Variants in OTUD7B observed in about 807,000 individuals in gnomAD.
The protein encoded by OTUD7B is OTU deubiquitinase 7B.
Under a neutral mutation model 82.2 loss-of-function variants are expected in OTUD7B, and 34 were observed. The observed-to-expected ratio is 0.41, with a 90% CI of 0.31 to 0.55. The LOEUF (loss-of-function observed/expected upper bound fraction) is 0.55, where lower values mean the gene tolerates loss of function less well. OTUD7B is among the 20% of genes least tolerant of loss of function. The probability of loss-of-function intolerance (pLI) is 0.20; values close to 1 mark genes in which losing one functional copy is unlikely to be tolerated. For synonymous variants in OTUD7B, 398 were observed against 402.7 expected, an observed-to-expected ratio of 0.99 and a Z score of 0.14; for missense variants, 944 against 1,062.1, an observed-to-expected ratio of 0.89 and a Z score of 1.55.
intron 1 of OTUD7B, among the ~76,000 whole-genome samples, chr1:149,993,065 C>T (rs942646410): frequency 2.6e-5 from 4 of 152,070 alleles, no homozygotes; most frequent in African/African-American, 7.2e-5. Flanking sequence ...GCAGGAGCAT[C>T]GCTTGAACTA....
chr1:149,987,213 C>G (rs1651213624), intron 1 of OTUD7B, among the ~76,000 whole-genome samples: 2 of 152,178 alleles, frequency 1.3e-5, no homozygotes, highest in Admixed American at 1.3e-4. Context: ...TTTTATCAAC[C>G]CAGCCCAGCT....
At chr1:150,057,511 G>A in the OTUD7B span, among the ~76,000 whole-genome samples, 1 of 152,166 alleles carries the variant, frequency 6.6e-6, no homozygotes, top group South Asian at 2.1e-4. Flanking sequence ...ACTGGCAGAG[G>A]AGCTAAGAAT....
chr1:149,974,684 G>A (rs1318194344), intron 2 of OTUD7B, among the ~76,000 whole-genome samples: 1 of 150,876 alleles, frequency 6.6e-6, no homozygotes, highest in Non-Finnish European at 1.5e-5. Flanking sequence ...CAAGCAGCTG[G>A]AACTACAGGC....
the OTUD7B span, among the ~76,000 whole-genome samples, chr1:150,032,465 G>GACAAAAA: frequency 1.2e-5 from 1 of 85,766 alleles, no homozygotes; most frequent in African/African-American, 5.9e-5. Flanking sequence ...CCTGTCTACA[G>GACAAAAA]AAAAAAAAAA....
chr1:149,987,090 AC>A (rs1293221855), intron 1 of OTUD7B, among the ~76,000 whole-genome samples: 2 of 152,198 alleles, frequency 1.3e-5, no homozygotes, highest in African/African-American at 2.4e-5. Flanking sequence ...AAACTTCCAA[AC>A]AACTCTGAGA....
At chr1:149,983,195 A>T (rs1650905248) in intron 1 of OTUD7B, among the ~76,000 whole-genome samples, 1 of 152,102 alleles carries the variant, frequency 6.6e-6, no homozygotes, top group African/African-American at 2.4e-5. Flanking sequence ...TAAGACATCC[A>T]GTCTCTTAAC....
chr1:150,064,742 T>C, the OTUD7B span, among the ~76,000 whole-genome samples: 7 of 152,206 alleles, frequency 4.6e-5, no homozygotes, highest in African/African-American at 7.2e-5. Context: ...TTCAGTTTCA[T>C]TGAATTTCAT....
chr1:149,991,518 G>A (rs587662451), intron 1 of OTUD7B, among the ~76,000 whole-genome samples: 30 of 152,274 alleles, frequency 2.0e-4, no homozygotes, highest in African/African-American at 7.0e-4. Context: ...ACCTGGTGGT[G>A]AGGTACAGAA....
rs193286305 is a variant in OTUD7B at position 149,944,327 on chromosome 1, A to G, written c.2062T>C (p.Phe688Leu). Reference protein sequence around the residue: ...GPPAESRAMAFSTGYPGDFTI... With the variant: ...GPPAESRAMALSTGYPGDFTI... ...AAGTCCCCAGGGTAGCCAGTGGAAA[A>G]TGCCATTGCCCTGGACTCTGCTGGG... is the stretch of plus-strand genomic sequence containing the variant. The change falls in exon 12 of 12, where the codon TTT becomes CTT. Residue 688 changes from phenylalanine (F) to leucine (L), a missense_variant. Transcript: ENST00000581312. 3.6e-4 allele frequency: 573 copies of G among 1,611,502 alleles called. 1 individual carries two copies. The African/African-American group carries it at 6.9e-3, about 19-fold the overall frequency.
At chr1:149,986,741 CAGAG>C (rs1651171181) in intron 1 of OTUD7B, among the ~76,000 whole-genome samples, 1 of 152,164 alleles carries the variant, frequency 6.6e-6, no homozygotes, top group Admixed American at 6.6e-5. Context: ...GGAATCCAGA[CAGAG>C]AGAAAGAGGA....
At chr1:150,006,801 G>A (rs1281190382) in intron 1 of OTUD7B, among the ~76,000 whole-genome samples, 2 of 152,254 alleles carry the variant, frequency 1.3e-5, no homozygotes, top group African/African-American at 4.8e-5. Context: ...ATAGTAAGGT[G>A]TGTAAACACA....
At chr1:149,998,003 C>T (rs1652027813) in intron 1 of OTUD7B, among the ~76,000 whole-genome samples, 1 of 152,128 alleles carries the variant, frequency 6.6e-6, no homozygotes, top group African/African-American at 2.4e-5. Context: ...AGACTCAGTA[C>T]CTTTCAAAGC....
Position 149,944,636 on chromosome 1 carries a change from C to T in OTUD7B, c.1753G>A (p.Gly585Arg), listed in dbSNP as rs781946340. The T allele has an allele frequency of 9.3e-6, 15 of 1,614,058 alleles. No homozygotes were observed. The South Asian group carries it at 1.6e-4, about 18-fold the overall frequency. The change falls in exon 12 of 12, where the codon GGG (glycine) becomes AGG (arginine). Residue 585 changes from glycine (G) to arginine (R), a missense_variant. This residue lies in a region of OTUD7B where 412 missense variants were observed against 418.7 expected (regional missense o/e 0.98). Transcript: ENST00000581312. Reference protein sequence around the residue: ...KPPAESVGNGGSKYSQEVMQS... With the variant: ...KPPAESVGNGRSKYSQEVMQS... ...ATCACCTCCTGGCTATACTTGCTCC[C>T]TCCGTTACCAACAGACTCAGCTGGG...
At chr1:150,030,233 C>CAG in the OTUD7B span, among the ~76,000 whole-genome samples, 1 of 152,164 alleles carries the variant, frequency 6.6e-6, no homozygotes, top group Non-Finnish European at 1.5e-5. Context: ...CCTAATCTCC[C>CAG]AGTTCACTTA....
chr1:150,048,339 G>C, the OTUD7B span: 2 of 152,130 alleles, frequency 1.3e-5, no homozygotes, highest in Non-Finnish European at 2.9e-5. Context: ...CCTAAGAAAT[G>C]TCAGAGACAA....
Position 149,981,761 on chromosome 1 carries a change from C to T in OTUD7B, c.-66-4185G>A, listed in dbSNP as rs181233176. Among the ~76,000 whole-genome samples the T allele has an allele frequency of 2.4e-3, 373 of 152,314 alleles. 2 individuals are homozygous for T. The highest frequency in any genetic ancestry group is 8.5e-3 in the African/African-American group (352 of 41,566). On this transcript the variant is annotated intron_variant, in intron 1 of 11. Coordinates refer to ENST00000581312, the MANE Select transcript of OTUD7B (RefSeq NM_020205.4). ...CAAAATTCGCTTCTGCTATCTTTGC[C>T]TCTCACCCCTACTTCCACTTCCAGA...
chr1:149,951,394 A>G (rs115310892), intron 7 of OTUD7B, among the ~76,000 whole-genome samples: 2,728 of 151,984 alleles, frequency 0.018, 67 homozygotes, highest in African/African-American at 0.059. Context: ...GTGAGCCACT[A>G]CGCCTGGCCT....
the OTUD7B span, among the ~76,000 whole-genome samples, chr1:150,031,697 A>G: frequency 6.6e-6 from 1 of 152,192 alleles, no homozygotes; most frequent in Non-Finnish European, 1.5e-5. Flanking sequence ...TCCCAGCTCT[A>G]CCACCTTCCA....
chr1:150,037,968 C>T, the OTUD7B span, among the ~76,000 whole-genome samples: 4 of 151,342 alleles, frequency 2.6e-5, no homozygotes, highest in African/African-American at 9.7e-5. Flanking sequence ...TCCCCAGGCT[C>T]AGGGCACCTC....
Sources: gnomAD v4.1 joint callset for allele counts (sites outside exome capture counted in the v4.1 genomes callset) on GRCh38, gnomAD v4.1.1 for gene constraint, gnomAD v4.1.1 regional missense constraint, MANE v1.5 for transcripts, NCBI Gene and HGNC (gene_info 2026-07-23, HGNC 2026-07-21) for gene names.